The following UBE2E2 variants were observed in gnomAD, a reference collection of about 807,000 sequenced individuals.
UBE2E2 encodes the protein ubiquitin-conjugating enzyme E2 E2.
UBE2E2 carries 6 observed loss-of-function variants against 24.7 expected under a neutral mutation model. The observed-to-expected ratio is 0.24, with a 90% CI of 0.13 to 0.48. UBE2E2 has a LOEUF of 0.48. Among genes scored for constraint, UBE2E2 ranks in the 20% least tolerant of loss-of-function variants. The probability of loss-of-function intolerance (pLI) is 0.99; values close to 1 mark genes in which losing one functional copy is unlikely to be tolerated. For missense variants in UBE2E2, 169 were observed against 245.0 expected, an observed-to-expected ratio of 0.69 and a Z score of 2.07; for synonymous variants, 104 against 83.6, an observed-to-expected ratio of 1.24 and a Z score of -1.33.
intron 3 of UBE2E2, among the ~76,000 whole-genome samples, chr3:23,357,694 A>G (rs543113507): frequency 1.3e-5 from 2 of 152,334 alleles, no homozygotes; most frequent in South Asian, 4.2e-4. Flanking sequence ...GACCATTAAA[A>G]GAAATACAGA....
At chr3:23,261,844 C>T (rs1169148476) in intron 3 of UBE2E2, among the ~76,000 whole-genome samples, 2 of 152,082 alleles carry the variant, frequency 1.3e-5, no homozygotes, top group Non-Finnish European at 2.9e-5. Flanking sequence ...TTGATATATA[C>T]ACACACTGAA....
Position 23,434,618 on chromosome 3 carries a change from T to C in UBE2E2, c.228-64990T>C, listed in dbSNP as rs188309895. 1.8e-3 allele frequency among the ~76,000 whole-genome samples: 267 copies of C among 152,260 alleles called. 2 individuals carry two copies. Among genetic ancestry groups the C allele is most frequent in the African/African-American group, 6.0e-3 (251 of 41,568 alleles). On this transcript the variant is annotated intron_variant, in intron 3 of 5. Transcript: ENST00000396703. ...CTATATATTTTATAATTTTCCTCTC[T>C]GTAAATGTACAAATATGCAAACTTG...
intron 3 of UBE2E2, among the ~76,000 whole-genome samples, chr3:23,266,988 G>T (rs1698066785): frequency 6.6e-6 from 1 of 152,048 alleles, no homozygotes. Flanking sequence ...CAGAAATAAA[G>T]ATGTTCTTTG....
At chr3:23,458,741 T>A (rs1011008262) in intron 3 of UBE2E2, among the ~76,000 whole-genome samples, 2 of 152,144 alleles carry the variant, frequency 1.3e-5, no homozygotes, top group African/African-American at 4.8e-5. Flanking sequence ...ACAGATCTCA[T>A]ACTAATGAAA....
rs140466405 is a variant in UBE2E2, at chr3:23,577,381, C to A, written c.509-12353C>A. Among the ~76,000 whole-genome samples the A allele has an allele frequency of 5.4e-4, 82 of 150,928 alleles. No homozygotes were observed. In the East Asian group the frequency reaches 0.016, roughly 29 times the overall value. ...TTATTGCTGATAGGGATTTAGTGGT[C>A]TGGATAGACAGTCAGACCAGCTACA... On this transcript the variant is annotated intron_variant, in intron 5 of 5. Transcript: ENST00000396703.
At chr3:23,268,483 T>C (rs1233601955) in intron 3 of UBE2E2, among the ~76,000 whole-genome samples, 1 of 150,786 alleles carries the variant, frequency 6.6e-6, no homozygotes, top group African/African-American at 2.4e-5. Flanking sequence ...TACCTAGGAA[T>C]CCAACTTACA....
At chr3:23,540,912 AG>A (rs1337540124) in intron 5 of UBE2E2, among the ~76,000 whole-genome samples, 3 of 152,214 alleles carry the variant, frequency 2.0e-5, no homozygotes, top group Non-Finnish European at 4.4e-5. Flanking sequence ...ATGTGAAATC[AG>A]GCTTTTTAAA....
At chr3:23,233,489 T>C (rs1228962612) in intron 3 of UBE2E2, among the ~76,000 whole-genome samples, 2 of 152,192 alleles carry the variant, frequency 1.3e-5, no homozygotes, top group East Asian at 3.8e-4. Flanking sequence ...TAAAACCCTT[T>C]GGAAATTTTT....
chr3:23,212,732 T>A (rs1383574518), intron 2 of UBE2E2, among the ~76,000 whole-genome samples: 1 of 152,140 alleles, frequency 6.6e-6, no homozygotes, highest in Non-Finnish European at 1.5e-5. Context: ...TTGTAGATAA[T>A]CTTTTGTAAT....
chr3:23,582,137 T>C (rs1452089053), intron 5 of UBE2E2, among the ~76,000 whole-genome samples: 3 of 152,212 alleles, frequency 2.0e-5, no homozygotes, highest in Non-Finnish European at 4.4e-5. Context: ...CTCCCACTTA[T>C]AAGTGAGAAC....
At chr3:23,336,475 GA>G (rs1695214233) in intron 3 of UBE2E2, among the ~76,000 whole-genome samples, 1 of 152,140 alleles carries the variant, frequency 6.6e-6, no homozygotes, top group Non-Finnish European at 1.5e-5. Context: ...GTTTTGTCAG[GA>G]GGTCTGCTGA....
chr3:23,529,846 C>T (rs768463384), intron 4 of UBE2E2, among the ~76,000 whole-genome samples: 1 of 152,122 alleles, frequency 6.6e-6, no homozygotes, highest in African/African-American at 2.4e-5. Context: ...GGAGTTTACT[C>T]TGTTGTTCTT....
At chr3:23,338,862 T>C (rs915643414) in intron 3 of UBE2E2, among the ~76,000 whole-genome samples, 11 of 152,158 alleles carry the variant, frequency 7.2e-5, no homozygotes, top group African/African-American at 1.7e-4. Context: ...GTCATTGATA[T>C]AGGAAATTAC....
chr3:23,310,700 A>G (rs566745489), intron 3 of UBE2E2, among the ~76,000 whole-genome samples: 29 of 152,306 alleles, frequency 1.9e-4, no homozygotes, highest in Non-Finnish European at 4.1e-4. Context: ...CCTGGTCAAT[A>G]TAACAAGGCA....
intron 5 of UBE2E2, among the ~76,000 whole-genome samples, chr3:23,581,921 T>A (rs1476744882): frequency 6.6e-6 from 1 of 152,158 alleles, no homozygotes; most frequent in Non-Finnish European, 1.5e-5. Flanking sequence ...AGTCTGGATT[T>A]TTTGTTTTAG....
chr3:23,302,094 C>T (rs1320534378), intron 3 of UBE2E2, among the ~76,000 whole-genome samples: 1 of 152,026 alleles, frequency 6.6e-6, no homozygotes, highest in Non-Finnish European at 1.5e-5. Context: ...TCCTCCATTC[C>T]AGGAGTTCTT....
At chr3:23,205,196 C>CT (rs996336895) in intron 1 of UBE2E2, among the ~76,000 whole-genome samples, 6 of 152,196 alleles carry the variant, frequency 3.9e-5, no homozygotes. Context: ...TTAAATTTTA[C>CT]TTTGAGTTAT....
At chr3:23,264,887 G>C (rs1698003807) in intron 3 of UBE2E2, among the ~76,000 whole-genome samples, 1 of 152,190 alleles carries the variant, frequency 6.6e-6, no homozygotes, top group Non-Finnish European at 1.5e-5. Context: ...CAAGTGAAGA[G>C]AGTCAATTTT....
intron 3 of UBE2E2, among the ~76,000 whole-genome samples, chr3:23,488,659 AGCG>A (rs1699431811): frequency 6.6e-6 from 1 of 152,212 alleles, no homozygotes; most frequent in African/African-American, 2.4e-5. Context: ...ATTTTTGAGA[AGCG>A]ATTTGGCTTC....
Sources: gnomAD v4.1 joint callset for allele counts (sites outside exome capture counted in the v4.1 genomes callset) on GRCh38, gnomAD v4.1.1 for gene constraint, MANE v1.5 for transcripts, NCBI Gene and HGNC (gene_info 2026-07-23, HGNC 2026-07-21) for gene names.